The following RNF20 variants were observed in gnomAD, a reference collection of about 807,000 sequenced individuals.
RNF20 encodes ring finger protein 20, also known as E3 ubiquitin-protein ligase BRE1A.
A neutral mutation model predicts 126.2 loss-of-function variants in RNF20; 84 were observed. The ratio of observed to expected loss-of-function variants is 0.67; its 90% CI spans 0.56 to 0.80. The LOEUF is 0.80. RNF20 is among the 30% of genes least tolerant of loss of function. The probability of loss-of-function intolerance (pLI) is 0.00; values close to 1 mark genes in which losing one functional copy is unlikely to be tolerated. For synonymous variants in RNF20, 400 were observed against 414.3 expected, an observed-to-expected ratio of 0.97 and a Z score of 0.42; for missense variants, 869 against 1,188.2, an observed-to-expected ratio of 0.73 and a Z score of 3.95.
intron 9 of RNF20, 144 bp downstream of exon 9, chr9:101,547,662 C>A: frequency 8.1e-6 from 8 of 988,370 alleles, no homozygotes; most frequent in Middle Eastern, 4.8e-4. Context: ...AAACTCTTAA[C>A]AAATTAGGTG....
chr9:101,540,663 A>T, intron 4 of RNF20, 26 bp downstream of exon 4: 8 of 1,612,356 alleles, frequency 5.0e-6, no homozygotes, highest in Non-Finnish European at 5.9e-6. Flanking sequence ...GGATTCTATC[A>T]CTGCATGCTA....
chr9:101,550,747 AC>A lies in RNF20; in HGVS notation c.1236del (p.Arg413GlufsTer22). The A allele has an allele frequency of 1.9e-6, 3 of 1,614,180 alleles. No individual in the cohort carries two copies. The highest frequency in any genetic ancestry group is 2.5e-6 in the Non-Finnish European group (3 of 1,180,014). ...LDEARTLLHG[T>X]RGTHQHQVEL... is the part of the protein sequence containing the mutation. ...TGAGGCTCGGACCCTGCTTCATGGC[AC>A]CAGAGGAACCCACCAGCACCAGGTT... On this transcript the variant is annotated frameshift_variant, in exon 10 of 20. Coordinates refer to ENST00000389120, the MANE Select transcript of RNF20 (RefSeq NM_019592.7). LOFTEE classifies it high-confidence loss of function.
At chr9:101,552,980 T>C (rs1210783221) in intron 13 of RNF20, among the ~76,000 whole-genome samples, 2 of 152,178 alleles carry the variant, frequency 1.3e-5, no homozygotes, top group Non-Finnish European at 2.9e-5. Context: ...ATGGTAGCCT[T>C]ATTTTTATGA....
intron 18 of RNF20, 89 bp from the exon 19 acceptor site, chr9:101,561,819 CTT>C (rs1277191830): frequency 8.0e-6 from 7 of 873,996 alleles, no homozygotes; most frequent in Non-Finnish European, 7.9e-6. Context: ...AAAGTCCCCT[CTT>C]TTCACAACAG....
In RNF20 at chr9:101,552,796, A is replaced by C. The variant is rs745420268; in HGVS notation, c.1901+43A>C. The C allele has an allele frequency of 5.2e-6, 8 of 1,529,864 alleles. No individual in the cohort carries two copies. In the South Asian group the frequency reaches 9.2e-5, roughly 18 times the overall value. The allele number at this position is 1,529,864 out of a possible 1,614,324, so 94.8% of individuals were successfully genotyped here. ...AGTAACAGTTTCGACTGAAAAGCTA[A>C]GATTAAGACATCATGCATGAAATGT... is the stretch of plus-strand genomic sequence containing the variant. On this transcript the variant is annotated intron_variant, in intron 13 of 19. Coordinates refer to ENST00000389120, the MANE Select transcript of RNF20 (RefSeq NM_019592.7).
At chr9:101,561,830 A>G (rs1038510532) in intron 18 of RNF20, 80 bp from the exon 19 acceptor site, 1 of 952,272 alleles carries the variant, frequency 1.1e-6, no homozygotes, top group Non-Finnish European at 1.7e-6. Flanking sequence ...TTTTCACAAC[A>G]GAAAACTCAA....
In RNF20 at chr9:101,552,454, G is replaced by A. The variant is rs146044886; in HGVS notation, c.1602G>A (p.Ala534=). ...SSTEDPKDEP[A]ELKPDSEDLS... is the part of the protein sequence containing the mutation. ...CTGAGGACCCGAAGGATGAGCCTGC[G>A]GAGCTAAAACCAGATTCTGAGGACT... Residue 534 remains alanine (A), a synonymous_variant, in exon 13 of 20, where the codon GCG becomes GCA. Coordinates refer to ENST00000389120, the MANE Select transcript of RNF20 (RefSeq NM_019592.7). The A allele has an allele frequency of 1.5e-4, 244 of 1,613,118 alleles. 1 individual carries two copies. Among genetic ancestry groups the A allele is most frequent in the South Asian group, 1.4e-3 (126 of 91,058 alleles).
chr9:101,553,992 G>T lies in RNF20; in HGVS notation c.1906G>T (p.Ala636Ser). Reference sequence around the variant, plus strand: ...CCTCTACTACGCCTGTCATAGGAAGGCACAGGAGAGCCAAAAGGAGATGAA... The same window carrying T: ...CCTCTACTACGCCTGTCATAGGAAGTCACAGGAGAGCCAAAAGGAGATGAA... Reference protein sequence around the residue: ...IKQLKIELKKAQESQKEMKLL... With the variant: ...IKQLKIELKKSQESQKEMKLL... Residue 636 changes from alanine (A) to serine (S), a missense_variant, in exon 14 of 20, where the codon GCA becomes TCA. Transcript: ENST00000389120. The T allele has an allele frequency of 6.2e-7, 1 of 1,602,598 alleles. No individual in the cohort carries two copies. Among genetic ancestry groups the T allele is most frequent in the Non-Finnish European group, 8.5e-7 (1 of 1,169,930 alleles).
At chr9:101,534,255 C>T (rs924908669) in intron 1 of RNF20, 1 of 152,212 alleles carries the variant, frequency 6.6e-6, no homozygotes, top group Non-Finnish European at 1.5e-5. Context: ...CTGAAGTAGC[C>T]AAAGTGCTTT....
intron 2 of RNF20, among the ~76,000 whole-genome samples, chr9:101,539,914 A>G (rs892550162): frequency 6.6e-6 from 1 of 151,732 alleles, no homozygotes; most frequent in South Asian, 2.1e-4. Flanking sequence ...AGGGTGATCT[A>G]GCTGGATGGT....
At position 101,552,543 on chromosome 9, in the gene RNF20, G is replaced by A. The variant is rs755184149; in HGVS notation, c.1691G>A (p.Arg564Gln). ...GATGCCAATGAAATCAAGTCTAAAC[G>A]GGATGAAGAAGAACGAGAACGAGAA... Reference protein sequence around the residue: ...QEDANEIKSKRDEEERERERR... With the variant: ...QEDANEIKSKQDEEERERERR... Residue 564 changes from arginine (R) to glutamine (Q), a missense_variant, in exon 13 of 20, where the codon CGG becomes CAG. Arg to Gln is a conservative substitution (Grantham distance 43). Around this residue, in one of 8 missense-constraint regions of RNF20, gnomAD observed 231 missense variants for 263.6 expected, o/e 0.88. Coordinates refer to ENST00000389120, the MANE Select transcript of RNF20 (RefSeq NM_019592.7). 2.2e-5 allele frequency: 36 copies of A among 1,613,584 alleles called. No individual in the cohort carries two copies. Among genetic ancestry groups the A allele is most frequent in the East Asian group, 2.0e-4 (9 of 44,862 alleles).
In RNF20 at chr9:101,551,766, A is replaced by G; in HGVS notation, c.1355A>G (p.Tyr452Cys). The G allele has an allele frequency of 6.2e-7, 1 of 1,613,654 alleles. No homozygotes were observed. The highest frequency in any genetic ancestry group is 8.5e-7 in the Non-Finnish European group (1 of 1,179,874). The change falls in exon 11 of 20, where the codon TAT becomes TGT. Residue 452 changes from tyrosine (Y) to cysteine (C), a missense_variant. Tyr to Cys is a radical substitution (Grantham distance 194, BLOSUM62 -2). Coordinates refer to ENST00000389120, the MANE Select transcript of RNF20 (RefSeq NM_019592.7). ...ACATTGGCCCAGGTCCGCAAGGAGT[A>G]TGAAATGCTGAGGATAGAATTTGAG... The part of the protein sequence containing the change: ...EDTLAQVRKE[Y>C]EMLRIEFEQT...
At chr9:101,558,533 AGT>A (rs1293880764) in intron 16 of RNF20, among the ~76,000 whole-genome samples, 1 of 152,110 alleles carries the variant, frequency 6.6e-6, no homozygotes, top group Non-Finnish European at 1.5e-5. Context: ...ACAGTGTAAA[AGT>A]GTTCCCTTTT....
At chr9:101,547,352 TTTAAGAAGAATAC>T (rs766637519) in intron 8 of RNF20, 34 bp from the exon 9 acceptor site, 2 of 1,611,156 alleles carry the variant, frequency 1.2e-6, no homozygotes, top group African/African-American at 2.7e-5. Flanking sequence ...TTAGAAATGA[TTTAAGAAGAATAC>T]TTATTTATTC....
In RNF20 at chr9:101,561,349, T is replaced by C. The variant is rs1022870993; in HGVS notation, c.2649+119T>C. The C allele has an allele frequency of 5.6e-6, 6 of 1,077,226 alleles. No homozygotes were observed. The African/African-American group carries it at 9.5e-5, about 17-fold the overall frequency. 66.7% of individuals were successfully genotyped at this position (1,077,226 alleles called of 1,614,324 possible). On this transcript the variant is annotated intron_variant, in intron 18 of 19. Coordinates refer to ENST00000389120, the MANE Select transcript of RNF20 (RefSeq NM_019592.7). The stretch of plus-strand genomic sequence containing the variant: ...CATTTCCTACTAGACTTGAGGAAGT[T>C]TGTTGAGGGAAGAGAGTAAGTCTGT...
At chr9:101,558,127 CATTGTACCCAGTGTGTAGTCT>C (rs371659245) in intron 16 of RNF20, among the ~76,000 whole-genome samples, 99 of 151,224 alleles carry the variant, frequency 6.5e-4, no homozygotes, top group African/African-American at 2.2e-3. Flanking sequence ...AAGCAGTGTA[CATTGTACCCAGTGTGTAGTCT>C]ATTGTACCCA....
intron 9 of RNF20, 127 bp downstream of exon 9, chr9:101,547,645 T>C: frequency 8.8e-7 from 1 of 1,130,942 alleles, no homozygotes; most frequent in East Asian, 2.6e-5. Flanking sequence ...AACATCCTTT[T>C]ATGATAAAAC....
At chr9:101,551,916 C>T (rs1427655366) in intron 11 of RNF20, 97 bp downstream of exon 11, 5 of 1,377,540 alleles carry the variant, frequency 3.6e-6, no homozygotes, top group Non-Finnish European at 5.0e-6. Flanking sequence ...GACTTCAACT[C>T]AGAAGTCATA....
chr9:101,546,836 G>C lies in RNF20; in HGVS notation c.764G>C (p.Ser255Thr), dbSNP rs780202029. The C allele has an allele frequency of 1.9e-6, 3 of 1,614,156 alleles. No homozygotes were observed. Among genetic ancestry groups the C allele is most frequent in the Non-Finnish European group, 2.5e-6 (3 of 1,180,016 alleles). ...TMSQEFSKLQ[S>T]KVETAESRVS... ...GGGATGTAGTTCTCCAAGTTGCAGA[G>C]TAAAGTGGAGACAGCCGAATCACGA... Residue 255 changes from serine to threonine, a missense_variant, in exon 7 of 20, where the codon AGT (serine) becomes ACT (threonine). Physicochemically the swap from Ser to Thr is moderately conservative, Grantham distance 58. Around this residue, in one of 8 missense-constraint regions of RNF20, gnomAD observed 103 missense variants for 94.3 expected, o/e 1.09. Transcript: ENST00000389120.
Sources: allele counts gnomAD v4.1 joint callset (sites outside exome capture counted in the v4.1 genomes callset), GRCh38; gene constraint gnomAD v4.1.1; regional missense constraint gnomAD v4.1.1; transcripts MANE v1.5; gene names NCBI Gene and HGNC (gene_info 2026-07-23, HGNC 2026-07-21).